Variants in ARHGEF17 observed in about 807,000 individuals in gnomAD.
ARHGEF17 encodes the protein 164 kDa Rho-specific guanine-nucleotide exchange factor.
In ARHGEF17, 80 loss-of-function variants were observed where a neutral mutation model predicts 174.0. The ratio of observed to expected loss-of-function variants is 0.46; its 90% confidence interval spans 0.38 to 0.55. ARHGEF17 has a LOEUF of 0.55. Among genes scored for constraint, ARHGEF17 ranks in the 20% least tolerant of loss-of-function variants. ARHGEF17 has a pLI of 0.00. For missense variants in ARHGEF17, 2,886 were observed against 2,839.7 expected (o/e 1.02, Z -0.37); for synonymous variants, 1,311 against 1,189.1 (o/e 1.10, Z -2.11).
chr11:73,342,704 A>G (rs1460364997), intron 1 of ARHGEF17, among the ~76,000 whole-genome samples: 1 of 151,922 alleles, frequency 6.6e-6, no homozygotes, highest in Admixed American at 6.5e-5. Flanking sequence ...GGCGCTGGGT[A>G]CAGGTGCGGA....
chr11:73,310,626 G>T lies in ARHGEF17; in HGVS notation c.1988G>T (p.Gly663Val). The T allele has an allele frequency of 1.2e-6, 2 of 1,614,134 alleles. No homozygotes were observed. The highest frequency in any genetic ancestry group is 1.7e-6 in the Non-Finnish European group (2 of 1,180,024). The change falls in exon 1 of 21, where the codon GGT (glycine) becomes GTT (valine). Residue 663 changes from glycine (G) to valine (V), a missense_variant. By Grantham distance (109) the Gly-to-Val change is moderately radical. This residue lies in a region of ARHGEF17 where 1,728 missense variants were observed against 1,461.2 expected (regional missense o/e 1.18). Coordinates refer to ENST00000263674, the MANE Select transcript of ARHGEF17 (RefSeq NM_014786.4). The part of the protein sequence containing the change: ...EPPVAAFCGL[G>V]TTGMWRPLSS... The stretch of plus-strand genomic sequence containing the variant: ...CCTGTTGCAGCATTTTGCGGCCTGG[G>T]TACCACAGGGATGTGGCGACCTCTT...
intron 1 of ARHGEF17, among the ~76,000 whole-genome samples, chr11:73,312,374 T>C (rs1327856006): frequency 6.6e-6 from 1 of 152,140 alleles, no homozygotes; most frequent in Admixed American, 6.5e-5. Flanking sequence ...GGCTTTACTT[T>C]ATGGAGGAGC....
chr11:73,365,022 G>A lies in ARHGEF17; in HGVS notation c.5551-368G>A, dbSNP rs116472343. The A allele has an allele frequency of 4.2e-3, 1,303 of 312,114 alleles. 16 individuals carry two copies. Among genetic ancestry groups the A allele is most frequent in the African/African-American group, 0.022 (1,045 of 46,656 alleles). The allele number at this position is 312,114 out of a possible 1,614,324, so 19.3% of individuals were successfully genotyped here. On this transcript the variant is annotated intron_variant, in intron 18 of 20. Transcript: ENST00000263674. This position sits in a 1 kb window ranked among gnomAD's most constrained non-coding sequence, Gnocchi z 4.9. ...CCCTCACTTATTCCATTGTTGGCTG[G>A]GCAGGAGTCCAAAGCCCTGGGTTCA...
At chr11:73,340,405 A>G (rs922501963) in intron 1 of ARHGEF17, among the ~76,000 whole-genome samples, 1 of 152,066 alleles carries the variant, frequency 6.6e-6, no homozygotes, top group Non-Finnish European at 1.5e-5. Context: ...TGTTCTTGCC[A>G]TGCCTCCTCC....
At position 73,363,731 on chromosome 11, in the gene ARHGEF17, A is replaced by G. The variant is rs200341222; in HGVS notation, c.5247-16A>G. The G allele has an allele frequency of 3.1e-6, 5 of 1,613,594 alleles. No individual in the cohort carries two copies. The Admixed American group carries it at 5.0e-5, about 16-fold the overall frequency. ...TGCCCCAAGCATTTGTCCCAGGTGC[A>G]TACCCCGATCCACAGTGTCCACGTG... On this transcript the variant is annotated splice_polypyrimidine_tract_variant and intron_variant, in intron 15 of 20. Transcript: ENST00000263674.
At chr11:73,357,510 G>C (rs1865665203) in intron 9 of ARHGEF17, among the ~76,000 whole-genome samples, 183 bp downstream of exon 9, 1 of 152,378 alleles carries the variant, frequency 6.6e-6, no homozygotes, top group African/African-American at 2.4e-5. Context: ...GAGCCAGACA[G>C]TCTGTCCATG....
At chr11:73,351,917 A>G (rs1443005750) in intron 2 of ARHGEF17, among the ~76,000 whole-genome samples, 5 of 152,164 alleles carry the variant, frequency 3.3e-5, no homozygotes, top group Non-Finnish European at 4.4e-5. Flanking sequence ...CGAGATTTCC[A>G]TATGTCATCC....
Position 73,365,336 on chromosome 11 carries a change from G to A in ARHGEF17, c.5551-54G>A, listed in dbSNP as rs1475370218. 5 of 1,598,682 alleles carry A rather than the reference G, an allele frequency of 3.1e-6. No individual in the cohort carries two copies. Among genetic ancestry groups the A allele is most frequent in the African/African-American group, 2.7e-5 (2 of 74,692 alleles). On this transcript the variant is annotated intron_variant, in intron 18 of 20. Transcript: ENST00000263674. The surrounding 1 kb of genome is among the most constrained non-coding windows in gnomAD (Gnocchi z 4.9). ...CACTGGTGAAGCTCCAGGCTAGGGT[G>A]GGCCAAGGGAGGCAGGCCTGCCAAT... is the stretch of plus-strand genomic sequence containing the variant.
rs756018602 is a variant in ARHGEF17, at chr11:73,364,487, A to G, written c.5437A>G (p.Thr1813Ala). 6.2e-7 allele frequency: 1 copy of G among 1,613,224 alleles called. No homozygotes were observed. Among genetic ancestry groups the G allele is most frequent in the Non-Finnish European group, 8.5e-7 (1 of 1,179,840 alleles). The change falls in exon 18 of 21, where the codon ACC becomes GCC. Residue 1813 changes from threonine to alanine, a missense_variant. By Grantham distance (58) the Thr-to-Ala change is moderately conservative (BLOSUM62 0). Around this residue, in one of 4 missense-constraint regions of ARHGEF17, gnomAD observed 329 missense variants for 435.2 expected, o/e 0.76. Coordinates refer to ENST00000263674, the MANE Select transcript of ARHGEF17 (RefSeq NM_014786.4). ...GGACCCCCAGAACTTCAAATCAGTGACCTTGGGCACCCAGGGGAGCCCCAT... is the reference window on the plus strand; with the variant it reads ...GGACCCCCAGAACTTCAAATCAGTGGCCTTGGGCACCCAGGGGAGCCCCAT... ...FWDPQNFKSV[T>A]LGTQGSPITK...
rs1030353989 is a variant in ARHGEF17, at chr11:73,356,468, C to T, written c.3840+117C>T. The T allele has an allele frequency of 1.6e-5, 22 of 1,335,596 alleles. No homozygotes were observed. In the East Asian group the frequency reaches 1.8e-4, roughly 11 times the overall value. The allele number at this position is 1,335,596 out of a possible 1,614,324, so 82.7% of individuals were successfully genotyped here. A position where few individuals can be genotyped will look rare whatever the true frequency, so the allele number is the denominator to read the frequency against. Reference sequence around the variant, plus strand: ...GTGGCTGTGTCCATGTCCGGAACCACAGTGTGTTTGCATCCATGTCTGCCA... The same window carrying T: ...GTGGCTGTGTCCATGTCCGGAACCATAGTGTGTTTGCATCCATGTCTGCCA... On this transcript the variant is annotated intron_variant, in intron 6 of 20. Transcript: ENST00000263674.
chr11:73,343,177 C>T, intron 1 of ARHGEF17: 1 of 395,742 alleles, frequency 2.5e-6, no homozygotes. Context: ...GCCCAGTTCA[C>T]CATCGCGCTG....
At chr11:73,359,681 C>CT (rs751608068) in intron 9 of ARHGEF17, among the ~76,000 whole-genome samples, 153 bp from the exon 10 acceptor site, 3 of 152,252 alleles carry the variant, frequency 2.0e-5, no homozygotes, top group Non-Finnish European at 2.9e-5. Context: ...TGCCTGTTAA[C>CT]TTTTTTCCCA....
chr11:73,364,713 C>G, intron 18 of ARHGEF17, 113 bp downstream of exon 18: 1 of 1,370,088 alleles, frequency 7.3e-7, no homozygotes. Context: ...GGGCTAGGGC[C>G]TTCCTCTGAC....
Position 73,362,562 on chromosome 11 carries a change from T to C in ARHGEF17, c.4824T>C (p.Leu1608=). The change falls in exon 14 of 21, where the codon CTT becomes CTC. Residue 1608 remains leucine, a synonymous_variant. Transcript: ENST00000263674. ...TLAEPGPQPC[L]HISIAGSGLE... is the part of the protein sequence containing the mutation. The stretch of plus-strand genomic sequence containing the variant: ...CGGAGCCGGGGCCGCAGCCCTGCCT[T>C]CACATCTCCATTGCAGGCTCGGGCT... 2 of 1,609,526 alleles carry C rather than the reference T, an allele frequency of 1.2e-6. No homozygotes were observed. Among genetic ancestry groups the C allele is most frequent in the Non-Finnish European group, 8.5e-7 (1 of 1,179,660 alleles).
Position 73,362,489 on chromosome 11 carries a change from C to G in ARHGEF17, c.4751C>G (p.Pro1584Arg). ...GAGACGGCACCGGAGCCCGCCGGGC[C>G]GGAGCTGGACGTCGAGGCCGCTGCA... ...PPETAPEPAG[P>R]ELDVEAAADE... The change falls in exon 14 of 21, where the codon CCG (proline) becomes CGG (arginine). Residue 1584 changes from proline (P) to arginine (R), a missense_variant. This residue lies in a region of ARHGEF17 where 476 missense variants were observed against 473.1 expected (regional missense o/e 1.01). Transcript: ENST00000263674. The G allele has an allele frequency of 6.3e-7, 1 of 1,598,848 alleles. No individual in the cohort carries two copies. Among genetic ancestry groups the G allele is most frequent in the Non-Finnish European group, 8.5e-7 (1 of 1,175,534 alleles).
chr11:73,359,402 C>T (rs1279189261), intron 9 of ARHGEF17, among the ~76,000 whole-genome samples: 1 of 152,230 alleles, frequency 6.6e-6, no homozygotes, highest in Non-Finnish European at 1.5e-5. Flanking sequence ...ATCCAGGGCA[C>T]CATGCACTGC....
In ARHGEF17 at chr11:73,309,238, G is replaced by A; in HGVS notation, c.600G>A (p.Pro200=). 2 of 1,603,736 alleles carry A rather than the reference G, an allele frequency of 1.2e-6. No homozygotes were observed. Among genetic ancestry groups the A allele is most frequent in the Non-Finnish European group, 1.7e-6 (2 of 1,175,302 alleles). The part of the protein sequence containing the change: ...GPETEGRLRR[P]QQQQERAQRP... ...AGACCGAAGGGAGGCTGCGCCGGCC[G>A]CAGCAGCAACAGGAGCGGGCGCAGC... Residue 200 remains proline, a synonymous_variant, in exon 1 of 21, where the codon CCG becomes CCA. Transcript: ENST00000263674.
chr11:73,311,300 G>T lies in ARHGEF17; in HGVS notation c.2662G>T (p.Ala888Ser), dbSNP rs1216928733. The T allele has an allele frequency of 6.2e-7, 1 of 1,613,170 alleles. No homozygotes were observed. Among genetic ancestry groups the T allele is most frequent in the South Asian group, 1.1e-5 (1 of 91,080 alleles). The stretch of plus-strand genomic sequence containing the variant: ...CAGGAGCCGGGCACAGTCTGAAAGG[G>T]CCCTACCTGAGGCTCTGCCTCCCCC... ...ATRSRAQSER[A>S]LPEALPPPAT... Residue 888 changes from alanine to serine, a missense_variant, in exon 1 of 21, where the codon GCC (alanine) becomes TCC (serine). Coordinates refer to ENST00000263674, the MANE Select transcript of ARHGEF17 (RefSeq NM_014786.4).
In ARHGEF17 at chr11:73,310,300, G is replaced by C; in HGVS notation, c.1662G>C (p.Met554Ile). Residue 554 changes from methionine to isoleucine, a missense_variant, in exon 1 of 21, where the codon ATG becomes ATC. Coordinates refer to ENST00000263674, the MANE Select transcript of ARHGEF17 (RefSeq NM_014786.4). Reference protein sequence around the residue: ...AKSFTCSEKPMARRLPRTSAL... With the variant: ...AKSFTCSEKPIARRLPRTSAL... Reference sequence around the variant, plus strand: ...CATTCACCTGCTCTGAGAAGCCCATGGCCCGCCGCCTGCCCCGCACCAGTG... The same window carrying C: ...CATTCACCTGCTCTGAGAAGCCCATCGCCCGCCGCCTGCCCCGCACCAGTG... 2 of 1,613,856 alleles carry C rather than the reference G, an allele frequency of 1.2e-6. No individual in the cohort carries two copies. Among genetic ancestry groups the C allele is most frequent in the Non-Finnish European group, 1.7e-6 (2 of 1,180,014 alleles).
Sources: allele counts gnomAD v4.1 joint callset (sites outside exome capture counted in the v4.1 genomes callset), GRCh38; gene constraint gnomAD v4.1.1; regional missense constraint gnomAD v4.1.1; non-coding constraint Gnocchi (gnomAD v3.1); transcripts MANE v1.5; gene names NCBI Gene and HGNC (gene_info 2026-07-23, HGNC 2026-07-21).